SORCS3: variants seen among roughly 807,000 people sequenced by gnomAD.
SORCS3 encodes VPS10 domain-containing receptor SorCS3.
SORCS3 carries 57 observed loss-of-function variants against 146.3 expected under a neutral mutation model. The ratio of observed to expected loss-of-function variants is 0.39; its 90% CI spans 0.31 to 0.49. The LOEUF (loss-of-function observed/expected upper bound fraction) is 0.49, where lower values mean the gene tolerates loss of function less well. Among genes scored for constraint, SORCS3 ranks in the 20% least tolerant of loss-of-function variants. The pLI, the probability that SORCS3 is intolerant of heterozygous loss-of-function variation, is 0.92. For synonymous variants in SORCS3, 653 were observed against 618.5 expected (o/e 1.06, Z -0.83); for missense variants, 1,341 against 1,575.5 (o/e 0.85, Z 2.52).
intron 6 of SORCS3, among the ~76,000 whole-genome samples, chr10:105,093,983 T>C (rs1237513895): frequency 1.3e-5 from 2 of 152,152 alleles, no homozygotes. Flanking sequence ...GAAACAAATA[T>C]CTTTGAATGA....
At chr10:105,035,227 G>A (rs1368638474) in intron 4 of SORCS3, among the ~76,000 whole-genome samples, 1 of 152,166 alleles carries the variant, frequency 6.6e-6, no homozygotes, top group Non-Finnish European at 1.5e-5. Flanking sequence ...CATGGGTACA[G>A]TATAGAACAG....
At chr10:105,026,509 A>G (rs1198285349) in intron 4 of SORCS3, among the ~76,000 whole-genome samples, 1 of 152,230 alleles carries the variant, frequency 6.6e-6, no homozygotes, top group African/African-American at 2.4e-5. Context: ...TTGTTCTACC[A>G]AAAGGACACA....
intron 16 of SORCS3, among the ~76,000 whole-genome samples, chr10:105,203,742 G>A (rs1426837366): frequency 6.6e-6 from 1 of 152,028 alleles, no homozygotes; most frequent in East Asian, 1.9e-4. Context: ...ACCGCATTGG[G>A]TCCTAAGGAA....
In SORCS3 at chr10:105,105,441, A is replaced by G. The variant is rs1215938641; in HGVS notation, c.1138A>G (p.Thr380Ala). 4.3e-6 allele frequency: 7 copies of G among 1,613,736 alleles called. No homozygotes were observed. The highest frequency in any genetic ancestry group is 5.9e-6 in the Non-Finnish European group (7 of 1,179,718). Residue 380 changes from threonine to alanine, a missense_variant, in exon 7 of 27, where the codon ACT becomes GCT. Transcript: ENST00000369701. Reference protein sequence around the residue: ...TCRIQECAETTRSGPFARSID... With the variant: ...TCRIQECAETARSGPFARSID... ...CAGGATCCAGGAATGTGCCGAGACA[A>G]CTAGAAGTGGGCCTTTTGCCCGCTC... is the stretch of plus-strand genomic sequence containing the variant.
intron 16 of SORCS3, among the ~76,000 whole-genome samples, chr10:105,205,170 G>A (rs966935731): frequency 6.6e-6 from 1 of 152,146 alleles, no homozygotes; most frequent in African/African-American, 2.4e-5. Context: ...ACCTAGTTCA[G>A]TCAGTTTGGG....
chr10:105,081,327 C>T (rs568876245), intron 5 of SORCS3, among the ~76,000 whole-genome samples: 1 of 152,142 alleles, frequency 6.6e-6, no homozygotes, highest in East Asian at 1.9e-4. Context: ...CCTGCCACCC[C>T]CTTCCAAGAC....
chr10:104,847,876 A>T (rs1429673887), intron 2 of SORCS3, among the ~76,000 whole-genome samples: 1 of 152,022 alleles, frequency 6.6e-6, no homozygotes, highest in African/African-American at 2.4e-5. Context: ...TGGCTTCAGG[A>T]TGCACCATAA....
chr10:105,236,304 C>T (rs1338683076), intron 20 of SORCS3, among the ~76,000 whole-genome samples: 1 of 152,152 alleles, frequency 6.6e-6, no homozygotes, highest in Non-Finnish European at 1.5e-5. Context: ...CATGCACTCT[C>T]CCCAGTCCCA....
At chr10:104,764,247 A>G (rs552805876) in intron 1 of SORCS3, among the ~76,000 whole-genome samples, 3 of 152,278 alleles carry the variant, frequency 2.0e-5, no homozygotes, top group Non-Finnish European at 4.4e-5. Flanking sequence ...ATGTTTATCA[A>G]ACTTTAATGT....
chr10:104,791,973 G>A (rs915869880), intron 1 of SORCS3, among the ~76,000 whole-genome samples: 3 of 152,074 alleles, frequency 2.0e-5, no homozygotes, highest in Admixed American at 6.5e-5. Context: ...TAGATAGGGT[G>A]GTCATAGCTG....
chr10:104,763,652 A>G (rs1469422214), intron 1 of SORCS3, among the ~76,000 whole-genome samples: 1 of 152,218 alleles, frequency 6.6e-6, no homozygotes, highest in Non-Finnish European at 1.5e-5. Context: ...TACAAGCTAG[A>G]TGATCTTGTG....
intron 4 of SORCS3, among the ~76,000 whole-genome samples, chr10:104,996,481 A>T (rs2055028059): frequency 6.6e-6 from 1 of 152,168 alleles, no homozygotes; most frequent in Non-Finnish European, 1.5e-5. Context: ...CATTTAAAAA[A>T]ATTTCTGCTG....
chr10:104,802,350 A>G (rs1212051280), intron 1 of SORCS3, among the ~76,000 whole-genome samples: 1 of 152,230 alleles, frequency 6.6e-6, no homozygotes, highest in Non-Finnish European at 1.5e-5. Context: ...TAGGGTTTAT[A>G]CAAAGTTGAT....
chr10:104,715,895 A>AC (rs2016470915), intron 1 of SORCS3, among the ~76,000 whole-genome samples: 1 of 152,142 alleles, frequency 6.6e-6, no homozygotes, highest in Non-Finnish European at 1.5e-5. Flanking sequence ...AGGCCACGCC[A>AC]CCCTCTTCTC....
Position 105,261,067 on chromosome 10 carries a change from G to A in SORCS3, c.3444-1264G>A, listed in dbSNP as rs74155107. ...CATTTGCCAAACACTGTGCTAAGTC[G>A]TGTGGATAGCAGAGAGGATAGAAAA... On this transcript the variant is annotated intron_variant, in intron 25 of 26. Transcript: ENST00000369701. Among the ~76,000 whole-genome samples, 570 of 152,302 alleles carry A rather than the reference G, an allele frequency of 3.7e-3. 4 individuals are homozygous for A. Among genetic ancestry groups the A allele is most frequent in the African/African-American group, 0.012 (496 of 41,566 alleles).
At chr10:105,263,184 C>G (rs1288904177) in intron 26 of SORCS3, 126 bp from the exon 27 acceptor site, 9 of 758,072 alleles carry the variant, frequency 1.2e-5, no homozygotes, top group Non-Finnish European at 1.9e-5. Context: ...TATCCGGGTG[C>G]CTTTTAAATA....
intron 3 of SORCS3, among the ~76,000 whole-genome samples, chr10:104,954,103 C>A (rs1258925401): frequency 6.6e-6 from 1 of 152,146 alleles, no homozygotes. Context: ...ATTTGACCAA[C>A]TGACTTTCCT....
At chr10:104,734,170 A>G (rs960321109) in intron 1 of SORCS3, among the ~76,000 whole-genome samples, 1 of 152,242 alleles carries the variant, frequency 6.6e-6, no homozygotes, top group Non-Finnish European at 1.5e-5. Context: ...TAGGGATGCT[A>G]GGAAGATCTC....
chr10:104,704,895 C>T (rs1259809965), intron 1 of SORCS3, among the ~76,000 whole-genome samples: 2 of 152,158 alleles, frequency 1.3e-5, no homozygotes, highest in African/African-American at 2.4e-5. Flanking sequence ...GCCTTGCTAG[C>T]TCTTGCATCC....
Sources: allele counts gnomAD v4.1 joint callset (sites outside exome capture counted in the v4.1 genomes callset), GRCh38; gene constraint gnomAD v4.1.1; transcripts MANE v1.5; gene names NCBI Gene and HGNC (gene_info 2026-07-23, HGNC 2026-07-21).